The following FAT3 variants were observed in gnomAD, a reference collection of about 807,000 sequenced individuals.
The protein encoded by FAT3 is protocadherin Fat 3.
In FAT3, 95 loss-of-function variants were observed where a neutral mutation model predicts 310.2. That is an observed-to-expected ratio of 0.31 (90% CI 0.26 to 0.36). The LOEUF is 0.36. Ranked by LOEUF, FAT3 falls within the 10% of genes least tolerant of loss-of-function variation. The probability of loss-of-function intolerance (pLI) is 1.00; values close to 1 mark genes in which losing one functional copy is unlikely to be tolerated. For synonymous variants in FAT3, 2,314 were observed against 2,192.9 expected (o/e 1.06, Z -1.54); for missense variants, 5,408 against 5,715.6 (o/e 0.95, Z 1.74).
chr11:92,715,032 G>T (rs1371960840), intron 4 of FAT3, among the ~76,000 whole-genome samples: 1 of 150,986 alleles, frequency 6.6e-6, no homozygotes, highest in Non-Finnish European at 1.5e-5. Context: ...ATGGATTTGG[G>T]ACTTATGAGG....
chr11:92,887,349 C>G (rs550715141), intron 25 of FAT3, among the ~76,000 whole-genome samples: 2 of 152,334 alleles, frequency 1.3e-5, no homozygotes, highest in South Asian at 4.1e-4. Flanking sequence ...GATGTAGTTA[C>G]CCTGGGCCTC....
chr11:92,506,468 T>C (rs541349661), intron 2 of FAT3, among the ~76,000 whole-genome samples: 2 of 152,336 alleles, frequency 1.3e-5, no homozygotes, highest in East Asian at 3.9e-4. Flanking sequence ...GGATATGTTA[T>C]CAGTAATGTA....
At chr11:92,689,575 G>A (rs551874618) in intron 3 of FAT3, among the ~76,000 whole-genome samples, 18 of 152,260 alleles carry the variant, frequency 1.2e-4, no homozygotes, top group South Asian at 1.0e-3. Context: ...AGGCAGAATC[G>A]GAAGGCAGAA....
At chr11:92,334,105 G>A (rs1180804367) in intron 1 of FAT3, among the ~76,000 whole-genome samples, 1 of 152,170 alleles carries the variant, frequency 6.6e-6, no homozygotes, top group Non-Finnish European at 1.5e-5. Context: ...GGTTGGGTGT[G>A]GTGGCTCACC....
intron 1 of FAT3, among the ~76,000 whole-genome samples, chr11:92,291,345 G>T (rs1256505887): frequency 6.6e-6 from 1 of 151,902 alleles, no homozygotes; most frequent in Non-Finnish European, 1.5e-5. Context: ...CTTGACACTT[G>T]TACTCATGAA....
chr11:92,463,037 G>A (rs771721448), intron 2 of FAT3, among the ~76,000 whole-genome samples: 4 of 152,240 alleles, frequency 2.6e-5, no homozygotes, highest in African/African-American at 7.2e-5. Flanking sequence ...CCCATGCTCA[G>A]CGTGGAGCAG....
intron 2 of FAT3, among the ~76,000 whole-genome samples, chr11:92,415,424 G>A (rs1950385763): frequency 6.6e-6 from 1 of 152,164 alleles, no homozygotes; most frequent in Non-Finnish European, 1.5e-5. Flanking sequence ...GATCCTTGGA[G>A]TGGGAACAGA....
At chr11:92,601,549 C>T (rs557959472) in intron 3 of FAT3, among the ~76,000 whole-genome samples, 111 of 152,010 alleles carry the variant, frequency 7.3e-4, no homozygotes, top group Non-Finnish European at 1.2e-3. Flanking sequence ...GAGCCGAGGT[C>T]GCACACCACT....
rs750820269 is a variant in FAT3, at chr11:92,835,009, C to G, written c.10011C>G (p.Asn3337Lys). The change falls in exon 15 of 28, where the codon AAC (asparagine) becomes AAG (lysine). Residue 3337 changes from asparagine to lysine, a missense_variant. Transcript: ENST00000525166. Reference sequence around the variant, plus strand: ...TCAACCTCACAGATGTTAATGACAACCCTCCCAAGTTCAGCCAAGACGTCT... The same window carrying G: ...TCAACCTCACAGATGTTAATGACAAGCCTCCCAAGTTCAGCCAAGACGTCT... ...VNINLTDVND[N>K]PPKFSQDVYS... is the part of the protein sequence containing the mutation. 6.2e-7 allele frequency: 1 copy of G among 1,613,702 alleles called. No homozygotes were observed. Among genetic ancestry groups the G allele is most frequent in the Non-Finnish European group, 8.5e-7 (1 of 1,179,804 alleles).
chr11:92,582,123 T>G (rs916605854), intron 3 of FAT3, among the ~76,000 whole-genome samples: 1 of 151,922 alleles, frequency 6.6e-6, no homozygotes, highest in Admixed American at 6.6e-5. Context: ...GTCATGGCAC[T>G]GGTGGGAGTA....
chr11:92,844,191 G>A lies in FAT3; in HGVS notation c.10824G>A (p.Leu3608=). ...VNSHDGKIIA[L]GGLDSGKYVL... ...GTCACGATGGGAAAATCATCGCCCT[G>A]GGAGGCCTGGACAGCGGCAAGTATG... Residue 3608 remains leucine (L), a synonymous_variant, in exon 19 of 28, where the codon CTG becomes CTA. Coordinates refer to ENST00000525166, the MANE Select transcript of FAT3 (RefSeq NM_001367949.2). 1 of 1,614,062 alleles carries A rather than the reference G, an allele frequency of 6.2e-7. No homozygotes were observed. The highest frequency in any genetic ancestry group is 1.1e-5 in the South Asian group (1 of 91,088).
intron 2 of FAT3, among the ~76,000 whole-genome samples, chr11:92,358,561 T>G (rs1366103330): frequency 1.3e-5 from 2 of 152,202 alleles, no homozygotes; most frequent in Non-Finnish European, 2.9e-5. Context: ...TGTTGAGATT[T>G]TTTTTAAGAA....
intron 3 of FAT3, among the ~76,000 whole-genome samples, chr11:92,624,135 C>G (rs967735495): frequency 2.6e-5 from 4 of 152,162 alleles, no homozygotes; most frequent in African/African-American, 7.2e-5. Context: ...ATGCACACTA[C>G]TATGGGAGCA....
intron 1 of FAT3, among the ~76,000 whole-genome samples, chr11:92,261,221 T>G (rs1455654790): frequency 1.3e-5 from 2 of 152,030 alleles, no homozygotes; most frequent in African/African-American, 4.8e-5. Context: ...TAAGGAGGAA[T>G]TCATCCAAAC....
intron 6 of FAT3, among the ~76,000 whole-genome samples, chr11:92,769,722 T>C (rs1177028827): frequency 6.6e-6 from 1 of 152,252 alleles, no homozygotes; most frequent in Non-Finnish European, 1.5e-5. Context: ...TGTTTCTCTG[T>C]TGGTGAGTGA....
intron 4 of FAT3, among the ~76,000 whole-genome samples, chr11:92,713,448 C>A (rs1591638842): frequency 1.3e-5 from 2 of 152,172 alleles, no homozygotes; most frequent in African/African-American, 2.4e-5. Flanking sequence ...TTTTCTTAAC[C>A]CTGATGGGCT....
intron 1 of FAT3, among the ~76,000 whole-genome samples, chr11:92,226,891 CCT>C (rs1863935187): frequency 6.6e-6 from 1 of 152,156 alleles, no homozygotes; most frequent in Non-Finnish European, 1.5e-5. Context: ...CTTTTTCCCC[CCT>C]CTCCCCTCCT....
intron 1 of FAT3, among the ~76,000 whole-genome samples, chr11:92,273,349 C>T (rs925806683): frequency 6.6e-6 from 1 of 152,078 alleles, no homozygotes; most frequent in African/African-American, 2.4e-5. Flanking sequence ...CATCTCCCTC[C>T]TCCCTCCTAT....
intron 1 of FAT3, among the ~76,000 whole-genome samples, chr11:92,330,209 C>T (rs61901527): frequency 1.3e-5 from 2 of 152,110 alleles, no homozygotes; most frequent in Non-Finnish European, 2.9e-5. Context: ...CAAAATGAGA[C>T]CTTTTTGAAA....
Sources: gnomAD v4.1 joint callset for allele counts (sites outside exome capture counted in the v4.1 genomes callset) on GRCh38, gnomAD v4.1.1 for gene constraint, MANE v1.5 for transcripts, NCBI Gene and HGNC (gene_info 2026-07-23, HGNC 2026-07-21) for gene names.